Variants in MUC4 observed in about 807,000 individuals in gnomAD.
The protein encoded by MUC4 is mucin 4, cell surface associated.
In MUC4, 202 loss-of-function variants were observed where a neutral mutation model predicts 257.9. The ratio of observed to expected loss-of-function variants is 0.78; its 90% CI spans 0.70 to 0.88. The LOEUF is 0.88. MUC4 is among the 40% of genes least tolerant of loss of function. MUC4 has a pLI of 0.00. For missense variants in MUC4, 5,976 were observed against 6,513.7 expected (o/e 0.92, Z 2.84); for synonymous variants, 2,351 against 2,757.1 (o/e 0.85, Z 4.62).
Position 195,788,951 on chromosome 3 carries a change from A to G in MUC4, c.2629T>C (p.Ser877Pro). 1 of 1,613,474 alleles carries G rather than the reference A, an allele frequency of 6.2e-7. No individual in the cohort carries two copies. Among genetic ancestry groups the G allele is most frequent in the Non-Finnish European group, 8.5e-7 (1 of 1,179,698 alleles). Residue 877 changes from serine to proline, a missense_variant, in exon 2 of 25, where the codon TCT (serine) becomes CCT (proline). Coordinates refer to ENST00000463781, the MANE Select transcript of MUC4 (RefSeq NM_018406.7). ...GGTCTCCCTGCAGTGGAGGCCTCAG[A>G]GAGGGTGGGATGAAAGGTGCCGGGG... ...IVPGTFHPTLSEASTAGRPTG... is the reference protein window; with the variant it reads ...IVPGTFHPTLPEASTAGRPTG...
chr3:195,749,122 CT>C, intron 23 of MUC4, 58 bp from the exon 24 acceptor site: 2 of 1,579,460 alleles, frequency 1.3e-6, no homozygotes, highest in South Asian at 1.2e-5. Flanking sequence ...AAATCAGTAC[CT>C]TTTCAGCCAC....
chr3:195,754,942 A>G (rs1290679821), intron 18 of MUC4, among the ~76,000 whole-genome samples: 2 of 151,184 alleles, frequency 1.3e-5, no homozygotes, highest in East Asian at 3.9e-4. Context: ...CCATGTATGT[A>G]TCCATATGTG....
chr3:195,762,958 G>C lies in MUC4; in HGVS notation c.14254-13C>G. On this transcript the variant is annotated splice_polypyrimidine_tract_variant and intron_variant, in intron 12 of 24. Coordinates refer to ENST00000463781, the MANE Select transcript of MUC4 (RefSeq NM_018406.7). ...GGAGCCATTGGACCTGGAAGGAGAT[G>C]GGAGGGGGCCTGAGCCCGACCCGCA... 1 of 1,543,196 alleles carries C rather than the reference G, an allele frequency of 6.5e-7. No individual in the cohort carries two copies. The highest frequency in any genetic ancestry group is 8.8e-7 in the Non-Finnish European group (1 of 1,141,952).
chr3:195,804,069 C>T (rs143711659), intron 1 of MUC4, among the ~76,000 whole-genome samples: 6 of 152,264 alleles, frequency 3.9e-5, no homozygotes, highest in Non-Finnish European at 5.9e-5. Flanking sequence ...TTGAGTAAAA[C>T]GGATAGTTTT....
rs1481578366 is a variant in MUC4, at chr3:195,782,801, T to C, written c.8779A>G (p.Thr2927Ala). The change falls in exon 2 of 25, where the codon ACC becomes GCC. Residue 2927 changes from threonine (T) to alanine (A), a missense_variant. Physicochemically the swap from Thr to Ala is moderately conservative, Grantham distance 58 (BLOSUM62 0). Around this residue, in one of 44 missense-constraint regions of MUC4, gnomAD observed 228 missense variants for 206.3 expected, o/e 1.11. Coordinates refer to ENST00000463781, the MANE Select transcript of MUC4 (RefSeq NM_018406.7). The part of the protein sequence containing the change: ...DTSSASTGQA[T>A]PLPVTSLSSV... ...GAAAGGCTGGTGACAGGAAGAGGGG[T>C]GGCCTGACCTGTGGATGCTGAGGAA... 1 of 1,514,910 alleles carries C rather than the reference T, an allele frequency of 6.6e-7. No homozygotes were observed. The highest frequency in any genetic ancestry group is 2.3e-4 in the Middle Eastern group (1 of 4,414). The allele number at this position is 1,514,910 out of a possible 1,614,324, so 93.8% of individuals were successfully genotyped here.
rs748172103 is a variant in MUC4 at position 195,788,665 on chromosome 3, C to G, written c.2915G>C (p.Ser972Thr). The change falls in exon 2 of 25, where the codon AGC (serine) becomes ACC (threonine). Residue 972 changes from serine (S) to threonine (T), a missense_variant. Coordinates refer to ENST00000463781, the MANE Select transcript of MUC4 (RefSeq NM_018406.7). Reference sequence around the variant, plus strand: ...GGTGACAGGAAGAGGGGTGGCGTTGCTGATGAGGGCCGTGGTGAAGGTTTT... The same window carrying G: ...GGTGACAGGAAGAGGGGTGGCGTTGGTGATGAGGGCCGTGGTGAAGGTTTT... ...SGKTFTTALI[S>T]NATPLPVTYA... 2.5e-6 allele frequency: 4 copies of G among 1,608,664 alleles called. No homozygotes were observed. Among genetic ancestry groups the G allele is most frequent in the Admixed American group, 3.4e-5 (2 of 59,554 alleles).
At chr3:195,774,438 A>G in intron 3 of MUC4, 133 bp from the exon 4 acceptor site, 1 of 1,142,010 alleles carries the variant, frequency 8.8e-7, no homozygotes, top group Non-Finnish European at 1.2e-6. Context: ...AGAGGCAGCC[A>G]TCTAGGGTGC....
rs1418000619 is a variant in MUC4 at position 195,750,735 on chromosome 3, G to A, written c.15871+154C>T. Reference sequence around the variant, plus strand: ...AGCAGTGCTGGCTGCTCCTGCTCTCGAATCTAAAAAGCAGCTGGACAAAAT... The same window carrying A: ...AGCAGTGCTGGCTGCTCCTGCTCTCAAATCTAAAAAGCAGCTGGACAAAAT... On this transcript the variant is annotated intron_variant, in intron 23 of 24. Coordinates refer to ENST00000463781, the MANE Select transcript of MUC4 (RefSeq NM_018406.7). The A allele has an allele frequency of 1.6e-5, 12 of 734,622 alleles. No homozygotes were observed. The African/African-American group carries it at 1.8e-4, about 11-fold the overall frequency. The allele number at this position is 734,622 out of a possible 1,614,324, so 45.5% of individuals were successfully genotyped here. A position where few individuals can be genotyped will look rare whatever the true frequency, so the allele number is the denominator to read the frequency against.
chr3:195,767,529 C>CACT (rs1560261280), intron 7 of MUC4, among the ~76,000 whole-genome samples: 1 of 67,808 alleles, frequency 1.5e-5, no homozygotes, highest in Non-Finnish European at 3.1e-5. Context: ...CCACCACCAT[C>CACT]GCCACCACCA....
intron 6 of MUC4, 42 bp downstream of exon 6, chr3:195,770,174 A>T: frequency 6.7e-7 from 1 of 1,495,776 alleles, no homozygotes; most frequent in Non-Finnish European, 8.9e-7. Flanking sequence ...AGGATGTCTG[A>T]CTCCCAGATA....
intron 10 of MUC4, 136 bp from the exon 11 acceptor site, chr3:195,764,300 AG>A: frequency 1.0e-6 from 1 of 959,516 alleles, no homozygotes; most frequent in Non-Finnish European, 1.5e-6. Context: ...GTGTTGGTGG[AG>A]AGCTTGGCAG....
chr3:195,785,197 G>T lies in MUC4; in HGVS notation c.6383C>A (p.Pro2128His), dbSNP rs1283083504. Reference protein sequence around the residue: ...ASSLSTGDTTPLPVTSPSSTS... With the variant: ...ASSLSTGDTTHLPVTSPSSTS... ...TGAGGAAGGGCTGGTGACAGGAAGA[G>T]GGGTGGTGTCCCCTGTGGATAATGA... is the stretch of plus-strand genomic sequence containing the variant. Residue 2128 changes from proline to histidine, a missense_variant, in exon 2 of 25, where the codon CCT becomes CAT. Coordinates refer to ENST00000463781, the MANE Select transcript of MUC4 (RefSeq NM_018406.7). 6.5e-7 allele frequency: 1 copy of T among 1,548,722 alleles called. No homozygotes were observed. Among genetic ancestry groups the T allele is most frequent in the South Asian group, 1.2e-5 (1 of 84,006 alleles).
rs867064949 is a variant in MUC4 at position 195,780,686 on chromosome 3, G to A, written c.10894C>T (p.Pro3632Ser). Reference sequence around the variant, plus strand: ...GAGGAAAGGCTGGTGACAGGAAGAGGGGTGGCCTGACCTGTGGATGCTGAG... The same window carrying A: ...GAGGAAAGGCTGGTGACAGGAAGAGAGGTGGCCTGACCTGTGGATGCTGAG... ...TSSASTGQAT[P>S]LPVTSLSSVS... The change falls in exon 2 of 25, where the codon CCT becomes TCT. Residue 3632 changes from proline (P) to serine (S), a missense_variant. This residue lies in a region of MUC4 where 59 missense variants were observed against 149.8 expected (regional missense o/e 0.39). Transcript: ENST00000463781. The A allele has an allele frequency of 6.6e-7, 1 of 1,521,980 alleles. No individual in the cohort carries two copies. Among genetic ancestry groups the A allele is most frequent in the African/African-American group, 1.8e-5 (1 of 56,812 alleles). The allele number at this position is 1,521,980 out of a possible 1,614,324, so 94.3% of individuals were successfully genotyped here.
chr3:195,762,873 C>A lies in MUC4; in HGVS notation c.14326G>T (p.Asp4776Tyr). ...AACCTACCTCCGCCGTCTTCATGGT[C>A]AGGCTGAAATGTCACAGTCTGGTTA... ...LDNQTVTFQP[D>Y]HEDGGGQETF... The change falls in exon 13 of 25, where the codon GAC becomes TAC. Residue 4776 changes from aspartate to tyrosine, a missense_variant. Asp to Tyr is a radical substitution (Grantham distance 160). Around this residue, in one of 44 missense-constraint regions of MUC4, gnomAD observed 996 missense variants for 1,137.3 expected, o/e 0.88. Transcript: ENST00000463781. 6.4e-7 allele frequency: 1 copy of A among 1,568,066 alleles called. No homozygotes were observed. The highest frequency in any genetic ancestry group is 8.6e-7 in the Non-Finnish European group (1 of 1,157,918).
At position 195,785,850 on chromosome 3, in the gene MUC4, A is replaced by T; in HGVS notation, c.5730T>A (p.Ala1910=). 6.6e-7 allele frequency: 1 copy of T among 1,504,186 alleles called. No homozygotes were observed. Among genetic ancestry groups the T allele is most frequent in the Non-Finnish European group, 9.0e-7 (1 of 1,117,002 alleles). 93.2% of individuals were successfully genotyped at this position (1,504,186 alleles called of 1,614,324 possible). ...TGGCGTGACCTGTGGATACTGAGGAAGCGTCGGTGACATGAAGAGGGGTGG... is the reference window on the plus strand; with the variant it reads ...TGGCGTGACCTGTGGATACTGAGGATGCGTCGGTGACATGAAGAGGGGTGG... ...GDTTPLHVTD[A]SSVSTGHATS... The change falls in exon 2 of 25, where the codon GCT becomes GCA. Residue 1910 remains alanine, a synonymous_variant. Coordinates refer to ENST00000463781, the MANE Select transcript of MUC4 (RefSeq NM_018406.7).
rs1236069957 is a variant in MUC4 at position 195,786,405 on chromosome 3, G to A, written c.5175C>T (p.Asp1725=). The part of the protein sequence containing the change: ...VTSLSSVSTG[D]TTPLPVTSPS... ...GGCTAGTGACAGGAAGAGGCGTGGT[G>A]TCACCTGTGGATACTGAGGAAAGGC... is the stretch of plus-strand genomic sequence containing the variant. The change falls in exon 2 of 25, where the codon GAC becomes GAT. Residue 1725 remains aspartate (D), a synonymous_variant. Coordinates refer to ENST00000463781, the MANE Select transcript of MUC4 (RefSeq NM_018406.7). 8.5e-6 allele frequency: 13 copies of A among 1,533,038 alleles called. No homozygotes were observed. Among genetic ancestry groups the A allele is most frequent in the Non-Finnish European group, 1.1e-5 (12 of 1,136,308 alleles). The allele number at this position is 1,533,038 out of a possible 1,614,324, so 95.0% of individuals were successfully genotyped here.
At chr3:195,766,787 G>T (rs377022321) in intron 7 of MUC4, 36 bp from the exon 8 acceptor site, 31 of 1,593,586 alleles carry the variant, frequency 1.9e-5, no homozygotes, top group Non-Finnish European at 2.3e-5. Flanking sequence ...CCTCTGCCGT[G>T]CACAGGCTCT....
At position 195,767,802 on chromosome 3, in the gene MUC4, T is replaced by C. The variant is rs376612488; in HGVS notation, c.13530-1051A>G. 2.1e-3 allele frequency among the ~76,000 whole-genome samples: 66 copies of C among 31,888 alleles called. No homozygotes were observed. The East Asian group carries it at 0.044, about 21-fold the overall frequency. The allele number at this position is 31,888 out of a possible 152,430, so 20.9% of individuals were successfully genotyped here. On this transcript the variant is annotated intron_variant, in intron 7 of 24. Coordinates refer to ENST00000463781, the MANE Select transcript of MUC4 (RefSeq NM_018406.7). ...ATCACCACCATCATTGCCACCACCA[T>C]CATCACCACCATCACCACCACCACC...
chr3:195,757,183 G>A lies in MUC4; in HGVS notation c.15132C>T (p.Tyr5044=), dbSNP rs376737348. 64 of 1,610,198 alleles carry A rather than the reference G, an allele frequency of 4.0e-5. No individual in the cohort carries two copies. In the African/African-American group the frequency reaches 8.1e-4, roughly 20 times the overall value. The part of the protein sequence containing the change: ...CHCNAESQCL[Y]NQTSRVGNSS... ...AGTTGCCCACCCTGCTGGTCTGATT[G>A]TACAAACACTGGCTCTCTGCATTGC... Residue 5044 remains tyrosine, a synonymous_variant, in exon 18 of 25, where the codon TAC becomes TAT. Transcript: ENST00000463781. This position sits in a 1 kb window ranked among gnomAD's most constrained non-coding sequence, Gnocchi z 4.8.
Sources: allele counts gnomAD v4.1 joint callset (sites outside exome capture counted in the v4.1 genomes callset), GRCh38; gene constraint gnomAD v4.1.1; regional missense constraint gnomAD v4.1.1; non-coding constraint Gnocchi (gnomAD v3.1); transcripts MANE v1.5; gene names NCBI Gene and HGNC (gene_info 2026-07-23, HGNC 2026-07-21).